PCDHGB5: variants seen among roughly 807,000 people sequenced by gnomAD.
PCDHGB5 encodes the protein protocadherin gamma-B5.
Under a neutral mutation model 62.9 loss-of-function variants are expected in PCDHGB5, and 48 were observed. The observed-to-expected ratio is 0.76, with a 90% CI of 0.61 to 0.97. PCDHGB5 has a LOEUF of 0.97. Ranked by LOEUF, PCDHGB5 falls within the 50% of genes least tolerant of loss-of-function variation. The pLI is 0.00. For missense variants in PCDHGB5, 1,118 were observed against 1,198.6 expected, an observed-to-expected ratio of 0.93 and a Z score of 0.99; for synonymous variants, 474 against 511.2, an observed-to-expected ratio of 0.93 and a Z score of 0.98.
chr5:141,418,093 C>A, intron 1 of PCDHGB5: 2 of 1,614,032 alleles, frequency 1.2e-6, no homozygotes, highest in Non-Finnish European at 1.7e-6. Context: ...TCAGCGTAGA[C>A]GCGCAGAGCG....
In PCDHGB5 at chr5:141,407,146, T is replaced by C. The variant is rs142297912; in HGVS notation, c.2397+6622T>C. On this transcript the variant is annotated intron_variant, in intron 1 of 3. Transcript: ENST00000617380. ...TGCTTTATTTTTAAGAAAAAAAAGC[T>C]GAAGTGTCTGGGAATCCTTTATGAC... 2.0e-5 allele frequency among the ~76,000 whole-genome samples: 3 copies of C among 152,354 alleles called. No individual in the cohort carries two copies. The East Asian group carries it at 5.8e-4, about 29-fold the overall frequency.
chr5:141,398,857 C>A lies in PCDHGB5; in HGVS notation c.730C>A (p.Arg244=). The change falls in exon 1 of 4, where the codon CGA becomes AGA. Residue 244 remains arginine (R), a synonymous_variant. Coordinates refer to ENST00000617380, the MANE Select transcript of PCDHGB5 (RefSeq NM_018925.3). The stretch of plus-strand genomic sequence containing the variant: ...CAATGATAATCCCCCGGTATTCAAC[C>A]GAGACGTGTACAGAGTCAGCCTTCG... The part of the protein sequence containing the change: ...DANDNPPVFN[R]DVYRVSLREN... 1.2e-6 allele frequency: 2 copies of A among 1,613,918 alleles called. No individual in the cohort carries two copies. The highest frequency in any genetic ancestry group is 1.6e-4 in the Middle Eastern group (1 of 6,062).
chr5:141,491,659 G>A lies in PCDHGB5; in HGVS notation c.2398-3148G>A. On this transcript the variant is annotated intron_variant, in intron 1 of 3. Transcript: ENST00000617380. This position sits in a 1 kb window ranked among gnomAD's most constrained non-coding sequence, Gnocchi z 6.9. ...CACAGCTCTGGCGCTGGAGCCTGACGCCATCCGGTCCCGCTCTAATACGCT... is the reference window on the plus strand; with the variant it reads ...CACAGCTCTGGCGCTGGAGCCTGACACCATCCGGTCCCGCTCTAATACGCT... 6.2e-7 allele frequency: 1 copy of A among 1,613,766 alleles called. No homozygotes were observed. The highest frequency in any genetic ancestry group is 8.5e-7 in the Non-Finnish European group (1 of 1,180,004).
chr5:141,499,268 G>C (rs564234341), intron 2 of PCDHGB5, among the ~76,000 whole-genome samples: 1 of 152,224 alleles, frequency 6.6e-6, no homozygotes, highest in South Asian at 2.1e-4. Flanking sequence ...TTGGTCCCTA[G>C]ACTGTTCTCT....
chr5:141,486,140 C>T lies in PCDHGB5; in HGVS notation c.2398-8667C>T, dbSNP rs759476505. On this transcript the variant is annotated intron_variant, in intron 1 of 3. Coordinates refer to ENST00000617380, the MANE Select transcript of PCDHGB5 (RefSeq NM_018925.3). The surrounding 1 kb of genome is among the most constrained non-coding windows in gnomAD (Gnocchi z 5.0). ...TTACTATGAATTTGATGTGCGGGCT[C>T]GCGATGGGGGTTCTCCAGCCATGGA... 1 of 1,614,164 alleles carries T rather than the reference C, an allele frequency of 6.2e-7. No individual in the cohort carries two copies. The highest frequency in any genetic ancestry group is 1.3e-5 in the African/African-American group (1 of 75,030).
chr5:141,405,459 A>T, intron 1 of PCDHGB5: 2 of 1,229,452 alleles, frequency 1.6e-6, no homozygotes, highest in Non-Finnish European at 2.3e-6. Flanking sequence ...TTACTCTGTT[A>T]CCCAGGCTGG....
In PCDHGB5 at chr5:141,454,516, C is replaced by T. The variant is rs375583922; in HGVS notation, c.2398-40291C>T. On this transcript the variant is annotated intron_variant, in intron 1 of 3. Coordinates refer to ENST00000617380, the MANE Select transcript of PCDHGB5 (RefSeq NM_018925.3). Reference sequence around the variant, plus strand: ...CCACCTCCTGGATTCAGGCAGTTCTCCTGCCTCAGCCTCCCAAGTAGCTGA... The same window carrying T: ...CCACCTCCTGGATTCAGGCAGTTCTTCTGCCTCAGCCTCCCAAGTAGCTGA... Among the ~76,000 whole-genome samples the T allele has an allele frequency of 1.2e-4, 18 of 152,288 alleles. No individual in the cohort carries two copies. In the East Asian group the frequency reaches 3.1e-3, roughly 26 times the overall value.
At chr5:141,413,411 T>TC in intron 1 of PCDHGB5, 1 of 1,614,038 alleles carries the variant, frequency 6.2e-7, no homozygotes, top group Non-Finnish European at 8.5e-7. Flanking sequence ...ACGCAGCTTT[T>TC]CTCTCTGAAC....
chr5:141,409,273 G>A, intron 1 of PCDHGB5: 1 of 1,613,958 alleles, frequency 6.2e-7, no homozygotes, highest in South Asian at 1.1e-5. Context: ...ATCAGATTTT[G>A]GAGAATTCAC....
At chr5:141,408,882 ACATAGAAATTTCTGTCAAG>A (rs745313321) in intron 1 of PCDHGB5, 50 of 1,613,286 alleles carry the variant, frequency 3.1e-5, no homozygotes, top group Non-Finnish European at 4.1e-5. Context: ...GCCACCGCTC[ACATAGAAATTTCTGTCAAG>A]GATACCAATG....
chr5:141,418,153 G>A (rs1561771797), intron 1 of PCDHGB5: 2 of 1,614,086 alleles, frequency 1.2e-6, no homozygotes, highest in East Asian at 2.2e-5. Context: ...TATGCAAAGA[G>A]AGAAGAAGAT....
chr5:141,504,010 C>G (rs980812107), intron 2 of PCDHGB5, among the ~76,000 whole-genome samples: 9 of 152,204 alleles, frequency 5.9e-5, no homozygotes, highest in African/African-American at 1.2e-4. Context: ...TTAACTGTCT[C>G]TGCTGGTCTC....
In PCDHGB5 at chr5:141,398,345, C is replaced by T. The variant is rs1442407908; in HGVS notation, c.218C>T (p.Pro73Leu). The T allele has an allele frequency of 2.1e-5, 29 of 1,379,896 alleles. No homozygotes were observed. The highest frequency in any genetic ancestry group is 2.8e-5 in the Non-Finnish European group (28 of 993,830). 85.5% of individuals were successfully genotyped at this position (1,379,896 alleles called of 1,614,324 possible). A position where few individuals can be genotyped will look rare whatever the true frequency, so the allele number is the denominator to read the frequency against. Residue 73 changes from proline to leucine, a missense_variant, in exon 1 of 4, where the codon CCT becomes CTT. Around this residue, in one of 2 missense-constraint regions of PCDHGB5, gnomAD observed 84 missense variants for 169.5 expected, o/e 0.50. Transcript: ENST00000617380. ...AAACTGCGCGTCAGTTCGGAGAAGC[C>T]TTACTTCACCGTGAGCGCAGAGAGC... ...TRKLRVSSEK[P>L]YFTVSAESGE...
chr5:141,404,083 G>A (rs761560113), intron 1 of PCDHGB5: 7 of 1,613,736 alleles, frequency 4.3e-6, no homozygotes, highest in Admixed American at 3.3e-5. Context: ...GAGACTCCGG[G>A]AAGAATGGTC....
rs11410533 is a variant in PCDHGB5, at chr5:141,429,387, TA to T, written c.2397+28871del. ...AAATGGAGAAAATGTGTTTTTTTTT[TA>T]AAAAAAATTGAGATTAAGGTCTCAT... On this transcript the variant is annotated intron_variant, in intron 1 of 3. Transcript: ENST00000617380. Among the ~76,000 whole-genome samples, 10 of 151,446 alleles carry T rather than the reference TA, an allele frequency of 6.6e-5. No individual in the cohort carries two copies. In the South Asian group the frequency reaches 1.0e-3, roughly 16 times the overall value.
chr5:141,413,218 A>G, intron 1 of PCDHGB5: 1 of 1,613,610 alleles, frequency 6.2e-7, no homozygotes. Flanking sequence ...AAAGGATTGC[A>G]GCGGGCTGGT....
intron 1 of PCDHGB5, among the ~76,000 whole-genome samples, chr5:141,484,160 T>C (rs1451052819): frequency 2.6e-5 from 4 of 152,210 alleles, no homozygotes; most frequent in African/African-American, 7.2e-5. Flanking sequence ...CACAATGCTG[T>C]TGGTAGCTGA....
In PCDHGB5 at chr5:141,485,804, G is replaced by C; in HGVS notation, c.2398-9003G>C. 6.2e-7 allele frequency: 1 copy of C among 1,614,218 alleles called. No homozygotes were observed. The highest frequency in any genetic ancestry group is 1.3e-5 in the African/African-American group (1 of 75,060). The stretch of plus-strand genomic sequence containing the variant: ...AGAGAAGCAATCGGACTACCGCCTG[G>C]TGCTGACTGCTGTCGATGGAGGGAA... On this transcript the variant is annotated intron_variant, in intron 1 of 3. Coordinates refer to ENST00000617380, the MANE Select transcript of PCDHGB5 (RefSeq NM_018925.3). This position sits in a 1 kb window ranked among gnomAD's most constrained non-coding sequence, Gnocchi z 5.7.
chr5:141,504,546 G>A (rs911626023), intron 2 of PCDHGB5, among the ~76,000 whole-genome samples: 5 of 151,802 alleles, frequency 3.3e-5, no homozygotes, highest in African/African-American at 1.2e-4. Flanking sequence ...CATGGCAAAT[G>A]TTGGGGGACT....
Sources: gnomAD v4.1 joint callset for allele counts (sites outside exome capture counted in the v4.1 genomes callset) on GRCh38, gnomAD v4.1.1 for gene constraint, gnomAD v4.1.1 regional missense constraint, Gnocchi (gnomAD v3.1) non-coding constraint, MANE v1.5 for transcripts, NCBI Gene and HGNC (gene_info 2026-07-23, HGNC 2026-07-21) for gene names.